PCDH15: variants seen among roughly 807,000 people sequenced by gnomAD.
PCDH15 encodes the protein protocadherin-15.
In PCDH15, 129 loss-of-function variants were observed where a neutral mutation model predicts 178.5. The observed-to-expected ratio is 0.72, with a 90% confidence interval of 0.63 to 0.84. The LOEUF (loss-of-function observed/expected upper bound fraction) is 0.84. Among genes scored for constraint, PCDH15 ranks in the 40% least tolerant of loss-of-function variants. The pLI is 0.00. For synonymous variants in PCDH15, 800 were observed against 732.0 expected (o/e 1.09, Z -1.50); for missense variants, 2,230 against 2,099.9 (o/e 1.06, Z -1.21).
At chr10:54,119,286 G>C (rs1042948566) in intron 15 of PCDH15, among the ~76,000 whole-genome samples, 1 of 151,772 alleles carries the variant, frequency 6.6e-6, no homozygotes, top group Non-Finnish European at 1.5e-5. Context: ...AAAGATAAAC[G>C]TCTTAAAAAG....
chr10:53,951,637 G>A (rs370014656), intron 23 of PCDH15, among the ~76,000 whole-genome samples: 14 of 152,280 alleles, frequency 9.2e-5, no homozygotes, highest in East Asian at 7.7e-4. Context: ...ATATACAAAC[G>A]TTTGTTTACA....
chr10:54,691,283 A>G (rs1300602083), intron 1 of PCDH15, among the ~76,000 whole-genome samples: 3 of 152,084 alleles, frequency 2.0e-5, no homozygotes, highest in African/African-American at 7.2e-5. Context: ...GTAGTAATCT[A>G]CATAGTTCCT....
At chr10:55,006,010 A>G (rs1839919657) in intron 2 of PCDH15, among the ~76,000 whole-genome samples, 1 of 151,896 alleles carries the variant, frequency 6.6e-6, no homozygotes, top group South Asian at 2.1e-4. Context: ...GTACAATATG[A>G]TGTTTTGATC....
chr10:55,219,725 C>T (rs945964520), intron 1 of PCDH15, among the ~76,000 whole-genome samples: 1 of 151,682 alleles, frequency 6.6e-6, no homozygotes, highest in African/African-American at 2.4e-5. Flanking sequence ...TAAAGACTAA[C>T]ATTCATTGTT....
intron 2 of PCDH15, among the ~76,000 whole-genome samples, chr10:55,420,379 C>G (rs1411207528): frequency 4.0e-5 from 6 of 151,570 alleles, no homozygotes; most frequent in Non-Finnish European, 7.4e-5. Flanking sequence ...TTTGCAGACC[C>G]CTTCCCTAGG....
chr10:54,807,666 G>T (rs1241417648), intron 3 of PCDH15, among the ~76,000 whole-genome samples: 1 of 148,326 alleles, frequency 6.7e-6, no homozygotes, highest in African/African-American at 2.5e-5. Flanking sequence ...TACATACAAG[G>T]TTTACTTATT....
At chr10:54,233,140 C>T (rs181833968) in intron 9 of PCDH15, among the ~76,000 whole-genome samples, 91 of 151,944 alleles carry the variant, frequency 6.0e-4, no homozygotes, top group Admixed American at 1.5e-3. Context: ...GACAGGGTTT[C>T]GCCATATTGC....
intron 1 of PCDH15, among the ~76,000 whole-genome samples, chr10:55,261,117 T>C (rs963926176): frequency 1.3e-5 from 2 of 152,190 alleles, no homozygotes; most frequent in Non-Finnish European, 2.9e-5. Flanking sequence ...ATTCTTTCCA[T>C]GCAACAAATC....
chr10:55,040,565 A>G (rs1840842528), intron 2 of PCDH15, among the ~76,000 whole-genome samples: 1 of 152,156 alleles, frequency 6.6e-6, no homozygotes, highest in African/African-American at 2.4e-5. Flanking sequence ...AGGAATTAGC[A>G]TTCTATATTT....
rs1263368915 is a variant in PCDH15, at chr10:55,450,311, TA to T, written c.-156+177313del. 2.6e-5 allele frequency among the ~76,000 whole-genome samples: 4 copies of T among 151,804 alleles called. No homozygotes were observed. The South Asian group carries it at 8.3e-4, about 32-fold the overall frequency. ...CAAGGTCTCAAAGAGTCTGAAGGAA[TA>T]AAAAAAATGGTCAGTGATGAGAGGC... On this transcript the variant is annotated intron_variant, in intron 2 of 5. Transcript: ENST00000613346.
At chr10:54,695,231 C>CA in intron 1 of PCDH15, among the ~76,000 whole-genome samples, 1 of 152,126 alleles carries the variant, frequency 6.6e-6, no homozygotes, top group Admixed American at 6.6e-5. Context: ...CAAAACAAAA[C>CA]AGTCTGATTG....
In PCDH15 at chr10:55,352,853, G is replaced by A. The variant is rs1844974395; in HGVS notation, c.-155-186202C>T. Reference sequence around the variant, plus strand: ...GCACCAAAAAAAGGTCATAGTCACTGTTTGATGGTCTGCTGCTGGTCTGAT... The same window carrying A: ...GCACCAAAAAAAGGTCATAGTCACTATTTGATGGTCTGCTGCTGGTCTGAT... On this transcript the variant is annotated intron_variant, in intron 2 of 5. Coordinates refer to the PCDH15 transcript ENST00000613346. Among the ~76,000 whole-genome samples, 3 of 152,106 alleles carry A rather than the reference G, an allele frequency of 2.0e-5. No homozygotes were observed. The South Asian group carries it at 6.2e-4, about 32-fold the overall frequency.
chr10:53,809,451 A>T (rs2075786253), intron 37 of PCDH15: 1 of 1,613,866 alleles, frequency 6.2e-7, no homozygotes, highest in South Asian at 1.1e-5. Context: ...ATGTAGGCTC[A>T]GCTGCTGGTG....
At chr10:54,708,819 GTCA>G (rs1173607813) in intron 1 of PCDH15, among the ~76,000 whole-genome samples, 1 of 147,850 alleles carries the variant, frequency 6.8e-6, no homozygotes, top group African/African-American at 2.5e-5. Flanking sequence ...CGTGCGTGTG[GTCA>G]TCTTTATTCT....
intron 2 of PCDH15, among the ~76,000 whole-genome samples, chr10:55,073,760 A>T (rs11492419): frequency 0.067 from 10,242 of 152,188 alleles, 461 homozygotes; most frequent in African/African-American, 0.11. Flanking sequence ...AATTCAGCAG[A>T]GAATTCATCT....
chr10:54,268,123 C>T (rs1008082001), intron 8 of PCDH15, among the ~76,000 whole-genome samples: 1 of 151,650 alleles, frequency 6.6e-6, no homozygotes, highest in African/African-American at 2.4e-5. Flanking sequence ...GAAATGAGGC[C>T]TCATTCCTAC....
intron 2 of PCDH15, among the ~76,000 whole-genome samples, chr10:55,490,133 CAG>C (rs1375462597): frequency 2.6e-5 from 4 of 151,622 alleles, no homozygotes; most frequent in African/African-American, 4.8e-5. Context: ...GGGAAATAAA[CAG>C]AAAGTGTTCT....
intron 2 of PCDH15, among the ~76,000 whole-genome samples, chr10:55,377,541 G>C (rs967122065): frequency 4.6e-5 from 7 of 151,618 alleles, no homozygotes; most frequent in African/African-American, 1.7e-4. Context: ...TAGTAAAATA[G>C]CTTGCTATAT....
intron 1 of PCDH15, among the ~76,000 whole-genome samples, chr10:54,750,469 C>A (rs1207435678): frequency 3.3e-5 from 5 of 151,936 alleles, no homozygotes; most frequent in African/African-American, 1.2e-4. Flanking sequence ...TGTAAAGAAT[C>A]GATTACTACT....
Sources: gnomAD v4.1 joint callset for allele counts (sites outside exome capture counted in the v4.1 genomes callset) on GRCh38, gnomAD v4.1.1 for gene constraint, MANE v1.5 for transcripts, NCBI Gene and HGNC (gene_info 2026-07-23, HGNC 2026-07-21) for gene names.